The following ZMIZ1 variants were observed in gnomAD, a reference collection of about 807,000 sequenced individuals.
The protein encoded by ZMIZ1 is zinc finger MIZ-type containing 1.
ZMIZ1 carries 17 observed loss-of-function variants against 113.9 expected under a neutral mutation model. The ratio of observed to expected loss-of-function variants is 0.15; its 90% CI spans 0.10 to 0.22. The LOEUF is 0.22. Among genes scored for constraint, ZMIZ1 ranks in the 10% least tolerant of loss-of-function variants. The probability of loss-of-function intolerance (pLI) is 1.00; values close to 1 mark genes in which losing one functional copy is unlikely to be tolerated. For synonymous variants in ZMIZ1, 607 were observed against 603.1 expected (o/e 1.01, Z -0.09); for missense variants, 1,059 against 1,477.8 (o/e 0.72, Z 4.65).
intron 2 of ZMIZ1, among the ~76,000 whole-genome samples, chr10:79,138,257 G>A (rs941063742): frequency 1.3e-5 from 2 of 152,236 alleles, no homozygotes; most frequent in Non-Finnish European, 2.9e-5. Context: ...CAGGGTCAGA[G>A]CGCCAAGAGC....
chr10:79,208,633 G>A (rs977108519), intron 6 of ZMIZ1, among the ~76,000 whole-genome samples, 184 bp downstream of exon 6: 1 of 152,230 alleles, frequency 6.6e-6, no homozygotes, highest in African/African-American at 2.4e-5. Context: ...CACCCTCAGG[G>A]GACCTGGAGT....
At chr10:79,220,082 C>T (rs1409620381) in intron 7 of ZMIZ1, among the ~76,000 whole-genome samples, 1 of 152,174 alleles carries the variant, frequency 6.6e-6, no homozygotes, top group Admixed American at 6.5e-5. Flanking sequence ...ACCCCAAGTC[C>T]CAGACATGGC....
intron 1 of ZMIZ1, among the ~76,000 whole-genome samples, chr10:79,102,402 G>C (rs556972464): frequency 9.1e-4 from 138 of 152,336 alleles, no homozygotes; most frequent in African/African-American, 3.2e-3. Context: ...GGCCTCCTTT[G>C]CCCCGCCCTC....
chr10:79,204,329 C>G (rs1848223028), intron 5 of ZMIZ1, among the ~76,000 whole-genome samples: 1 of 152,222 alleles, frequency 6.6e-6, no homozygotes, highest in South Asian at 2.1e-4. Context: ...TTTGCCCCTT[C>G]TCAGCCTCTT....
In ZMIZ1 at chr10:79,305,478, C is replaced by T. The variant is rs905500734; in HGVS notation, c.2355-55C>T. 2.4e-5 allele frequency: 39 copies of T among 1,591,972 alleles called. No individual in the cohort carries two copies. The African/African-American group carries it at 3.9e-4, about 16-fold the overall frequency. On this transcript the variant is annotated intron_variant, in intron 20 of 24. Coordinates refer to ENST00000334512, the MANE Select transcript of ZMIZ1 (RefSeq NM_020338.4). Reference sequence around the variant, plus strand: ...CTGACACTGAGGTGGATGGGCTTTGCCCCTACCTCCTTGGGTCCTGGAGCA... The same window carrying T: ...CTGACACTGAGGTGGATGGGCTTTGTCCCTACCTCCTTGGGTCCTGGAGCA...
intron 7 of ZMIZ1, among the ~76,000 whole-genome samples, chr10:79,241,303 G>C (rs1301214539): frequency 6.6e-6 from 1 of 152,196 alleles, no homozygotes; most frequent in African/African-American, 2.4e-5. Flanking sequence ...TCTGCAGTGG[G>C]GAGATGGGCG....
intron 2 of ZMIZ1, among the ~76,000 whole-genome samples, chr10:79,139,319 G>A (rs752312841): frequency 1.3e-5 from 2 of 152,098 alleles, no homozygotes; most frequent in Admixed American, 6.6e-5. Flanking sequence ...TTGTACACCC[G>A]GCTAAAAATA....
chr10:79,209,988 A>T (rs1428448459), intron 6 of ZMIZ1, among the ~76,000 whole-genome samples: 4 of 152,210 alleles, frequency 2.6e-5, no homozygotes, highest in African/African-American at 9.6e-5. Context: ...ACCGGGCCAA[A>T]TCGAGCAGCC....
At chr10:79,180,778 A>G (rs1369471798) in intron 4 of ZMIZ1, among the ~76,000 whole-genome samples, 1 of 152,216 alleles carries the variant, frequency 6.6e-6, no homozygotes, top group Non-Finnish European at 1.5e-5. Flanking sequence ...CCTTTCAGAC[A>G]GGGCCATGCA....
rs765172573 is a variant in ZMIZ1 at position 79,293,392 on chromosome 10, C to T, written c.969C>T (p.Thr323=). The T allele has an allele frequency of 1.3e-6, 2 of 1,515,768 alleles. No individual in the cohort carries two copies. Among genetic ancestry groups the T allele is most frequent in the South Asian group, 2.7e-5 (2 of 75,282 alleles). 93.9% of individuals were successfully genotyped at this position (1,515,768 alleles called of 1,614,324 possible). A position where few individuals can be genotyped will look rare whatever the true frequency, so the allele number is the denominator to read the frequency against. ...DINQYGPMGP[T]QAYNSQFMNQ... is the part of the protein sequence containing the mutation. ...GTTCCTCTTTCCAGATGGGTCCCAC[C>T]CAGGCGTATAACAGCCAATTCATGA... The change falls in exon 12 of 25, where the codon ACC becomes ACT. Residue 323 remains threonine (T), a synonymous_variant. Transcript: ENST00000334512.
At chr10:79,301,698 A>G (rs556002225) in intron 17 of ZMIZ1, among the ~76,000 whole-genome samples, 1 of 152,202 alleles carries the variant, frequency 6.6e-6, no homozygotes, top group East Asian at 1.9e-4. Context: ...AGGCTGCACA[A>G]CTGTCAGAGT....
At chr10:79,164,862 G>A (rs1370321513) in intron 4 of ZMIZ1, among the ~76,000 whole-genome samples, 3 of 152,132 alleles carry the variant, frequency 2.0e-5, no homozygotes, top group Non-Finnish European at 2.9e-5. Flanking sequence ...GGTTACTGGG[G>A]AGGCTGCACT....
chr10:79,102,103 T>G lies in ZMIZ1; in HGVS notation c.-336-16812T>G, dbSNP rs78955929. Among the ~76,000 whole-genome samples the G allele has an allele frequency of 4.1e-3, 626 of 152,322 alleles. 4 individuals are homozygous for G. Among genetic ancestry groups the G allele is most frequent in the African/African-American group, 0.015 (605 of 41,574 alleles). ...GTCCCCTAGCAATAAGCTCTTCCCATCTGGAGTCACCAGCTTGTTCAGCTT... is the reference window on the plus strand; with the variant it reads ...GTCCCCTAGCAATAAGCTCTTCCCAGCTGGAGTCACCAGCTTGTTCAGCTT... On this transcript the variant is annotated intron_variant, in intron 1 of 24. Transcript: ENST00000334512.
intron 2 of ZMIZ1, among the ~76,000 whole-genome samples, chr10:79,127,182 T>C (rs986120775): frequency 6.6e-6 from 1 of 152,186 alleles, no homozygotes; most frequent in Non-Finnish European, 1.5e-5. Context: ...GCAGAGGAAA[T>C]GCCATGCCAG....
intron 23 of ZMIZ1, among the ~76,000 whole-genome samples, chr10:79,309,664 A>G (rs1195078031): frequency 6.6e-6 from 1 of 152,242 alleles, no homozygotes; most frequent in Non-Finnish European, 1.5e-5. Context: ...AAACAGTTTT[A>G]GGAGAAACAG....
intron 9 of ZMIZ1, 39 bp from the exon 10 acceptor site, chr10:79,290,920 G>A (rs763331958): frequency 5.4e-5 from 86 of 1,604,038 alleles, no homozygotes; most frequent in Non-Finnish European, 6.6e-5. Context: ...ACACTGCCTC[G>A]GGTAGCACCT....
rs1589293401 is a variant in ZMIZ1, at chr10:79,118,779, G to A, written c.-336-136G>A. On this transcript the variant is annotated intron_variant, in intron 1 of 24. Transcript: ENST00000334512. This position sits in a 1 kb window ranked among gnomAD's most constrained non-coding sequence, Gnocchi z 4.1. Reference sequence around the variant, plus strand: ...GTGGCAGGACGGTATCCAGTGTCTCGAGTAGCTCCACGTTGGTGGGCCAGT... The same window carrying A: ...GTGGCAGGACGGTATCCAGTGTCTCAAGTAGCTCCACGTTGGTGGGCCAGT... The A allele has an allele frequency of 6.6e-6, 1 of 152,328 alleles. No individual in the cohort carries two copies. The highest frequency in any genetic ancestry group is 1.5e-5 in the Non-Finnish European group (1 of 68,116). The allele number at this position is 152,328 out of a possible 1,614,324, so 9.4% of individuals were successfully genotyped here. A position where few individuals can be genotyped will look rare whatever the true frequency, so the allele number is the denominator to read the frequency against.
At chr10:79,095,195 GA>G (rs1843130733) in intron 1 of ZMIZ1, among the ~76,000 whole-genome samples, 1 of 152,180 alleles carries the variant, frequency 6.6e-6, no homozygotes, top group Admixed American at 6.5e-5. Flanking sequence ...AAGGTTGTTG[GA>G]AAGACAAAAT....
chr10:79,168,864 T>C (rs1301590863), intron 4 of ZMIZ1, among the ~76,000 whole-genome samples: 2 of 152,146 alleles, frequency 1.3e-5, no homozygotes, highest in African/African-American at 4.8e-5. Flanking sequence ...CAGAAAACTT[T>C]CTAGAGCCCC....
Sources: gnomAD v4.1 joint callset for allele counts (sites outside exome capture counted in the v4.1 genomes callset) on GRCh38, gnomAD v4.1.1 for gene constraint, Gnocchi (gnomAD v3.1) non-coding constraint, MANE v1.5 for transcripts, NCBI Gene and HGNC (gene_info 2026-07-23, HGNC 2026-07-21) for gene names.